The following RERE variants were observed in gnomAD, a reference collection of about 807,000 sequenced individuals.
RERE encodes the protein arginine-glutamic acid dipeptide repeats protein.
In RERE, 40 loss-of-function variants were observed where a neutral mutation model predicts 146.1. That is an observed-to-expected ratio of 0.27 (90% CI 0.21 to 0.36). The LOEUF is 0.36. RERE is among the 10% of genes least tolerant of loss of function. The pLI, the probability that RERE is intolerant of heterozygous loss-of-function variation, is 1.00. For missense variants in RERE, 1,933 were observed against 2,138.7 expected (o/e 0.90, Z 1.90); for synonymous variants, 1,003 against 866.0 (o/e 1.16, Z -2.78).
chr1:8,375,597 C>CTTCCTCGCTCAGCAGCCACTGAAAATGT (rs1642210782), intron 12 of RERE, among the ~76,000 whole-genome samples: 191 of 128,516 alleles, frequency 1.5e-3, no homozygotes, highest in East Asian at 1.9e-3. Context: ...ACTGAAAATG[C>CTTCCTCGCTCAGCAGCCACTGAAAATGT]TTCCTCGCTC....
At chr1:8,753,018 T>G (rs1569716172) in intron 1 of RERE, among the ~76,000 whole-genome samples, 1 of 152,358 alleles carries the variant, frequency 6.6e-6, no homozygotes, top group Non-Finnish European at 1.5e-5. Context: ...CAATATTATT[T>G]TAATTTTTAA....
intron 12 of RERE, among the ~76,000 whole-genome samples, chr1:8,383,676 C>T (rs1347561563): frequency 1.3e-5 from 2 of 151,862 alleles, no homozygotes; most frequent in African/African-American, 2.4e-5. Context: ...CTGACCAACA[C>T]GGTGAAACTT....
At chr1:8,526,198 T>C (rs1645568697) in intron 7 of RERE, among the ~76,000 whole-genome samples, 1 of 151,952 alleles carries the variant, frequency 6.6e-6, no homozygotes, top group East Asian at 1.9e-4. Flanking sequence ...AGGCTTCAGT[T>C]AAATGCCCTG....
intron 4 of RERE, among the ~76,000 whole-genome samples, chr1:8,589,712 A>G (rs1355891794): frequency 6.6e-6 from 1 of 152,214 alleles, no homozygotes; most frequent in African/African-American, 2.4e-5. Context: ...TGAGAAACAC[A>G]GGGTGCCTTC....
intron 7 of RERE, among the ~76,000 whole-genome samples, chr1:8,534,070 G>A (rs1463527190): frequency 6.6e-6 from 1 of 152,194 alleles, no homozygotes; most frequent in East Asian, 1.9e-4. Flanking sequence ...TCCAGCTCTA[G>A]CTGCTCATCT....
At chr1:8,762,456 T>C (rs1640773206) in intron 1 of RERE, among the ~76,000 whole-genome samples, 1 of 152,156 alleles carries the variant, frequency 6.6e-6, no homozygotes, top group Admixed American at 6.6e-5. Context: ...ATTTACTTAA[T>C]TTTTTTAAAA....
chr1:8,400,736 G>C (rs1643219348), intron 12 of RERE, among the ~76,000 whole-genome samples: 1 of 146,952 alleles, frequency 6.8e-6, no homozygotes, highest in South Asian at 2.2e-4. Context: ...TACATGAGTA[G>C]CTCACGCCTA....
At chr1:8,550,122 G>A (rs1645916058) in intron 6 of RERE, among the ~76,000 whole-genome samples, 1 of 152,174 alleles carries the variant, frequency 6.6e-6, no homozygotes, top group African/African-American at 2.4e-5. Flanking sequence ...CATTGTGGGA[G>A]GTTAGGGGAG....
intron 1 of RERE, among the ~76,000 whole-genome samples, chr1:8,722,134 A>G (rs1639876446): frequency 1.3e-5 from 2 of 152,244 alleles, no homozygotes; most frequent in African/African-American, 4.8e-5. Context: ...GCCCAATTCT[A>G]GAACCACAAA....
intron 12 of RERE, among the ~76,000 whole-genome samples, chr1:8,367,989 A>G (rs913447862): frequency 2.0e-5 from 3 of 152,206 alleles, no homozygotes; most frequent in African/African-American, 7.2e-5. Flanking sequence ...AAGAGAAATC[A>G]AGGCAGGGAG....
At chr1:8,419,845 T>C (rs1274159655) in intron 12 of RERE, among the ~76,000 whole-genome samples, 1 of 152,238 alleles carries the variant, frequency 6.6e-6, no homozygotes, top group African/African-American at 2.4e-5. Flanking sequence ...TCTCAGGCAC[T>C]GCAGCAAGTA....
At chr1:8,498,772 T>C (rs193220550) in intron 8 of RERE, among the ~76,000 whole-genome samples, 7,825 of 58,428 alleles carry the variant, frequency 0.13, 784 homozygotes, top group African/African-American at 0.35. Context: ...CACACACATA[T>C]GTAGTTGAAT....
chr1:8,607,534 C>CTTTTTTTTTTTTTT lies in RERE; in HGVS notation c.522+7013_522+7026dup, dbSNP rs1167501074. ...CGCATATTTGTTTTTATATATATTT[C>CTTTTTTTTTTTTTT]TTTTTTTTTTTTTTTTTTTTTTTTT... On this transcript the variant is annotated intron_variant, in intron 4 of 22. Transcript: ENST00000400908. 3.0e-3 allele frequency among the ~76,000 whole-genome samples: 144 copies of CTTTTTTTTTTTTTT among 48,580 alleles called. 32 individuals are homozygous for CTTTTTTTTTTTTTT. The highest frequency in any genetic ancestry group is 0.01 in the East Asian group (12 of 1,158). 31.9% of individuals were successfully genotyped at this position (48,580 alleles called of 152,430 possible).
intron 12 of RERE, among the ~76,000 whole-genome samples, chr1:8,403,584 T>C (rs1643338645): frequency 6.6e-6 from 1 of 151,882 alleles, no homozygotes. Flanking sequence ...CAGGCTAGTC[T>C]CAAACTCCTG....
intron 1 of RERE, among the ~76,000 whole-genome samples, chr1:8,764,721 C>T (rs1214104462): frequency 6.6e-6 from 1 of 152,104 alleles, no homozygotes; most frequent in Non-Finnish European, 1.5e-5. Context: ...AGATCAAAGG[C>T]TCCAAAAAAG....
intron 1 of RERE, among the ~76,000 whole-genome samples, chr1:8,672,646 C>A (rs1038727036): frequency 6.6e-6 from 1 of 152,158 alleles, no homozygotes; most frequent in African/African-American, 2.4e-5. Context: ...CAAAGAATGG[C>A]GCATACCTTC....
At chr1:8,674,682 T>C (rs1481781563) in intron 1 of RERE, among the ~76,000 whole-genome samples, 1 of 152,250 alleles carries the variant, frequency 6.6e-6, no homozygotes, top group African/African-American at 2.4e-5. Flanking sequence ...GCCCCAATGT[T>C]GACTTGACAA....
chr1:8,635,360 A>T (rs1428159248), intron 2 of RERE, among the ~76,000 whole-genome samples: 1 of 152,198 alleles, frequency 6.6e-6, no homozygotes, highest in Non-Finnish European at 1.5e-5. Flanking sequence ...TCACTTTCAT[A>T]ATCAAAATTA....
chr1:8,570,087 C>A (rs11121200), intron 4 of RERE, among the ~76,000 whole-genome samples: 1,931 of 152,064 alleles, frequency 0.013, 38 homozygotes, highest in African/African-American at 0.043. Flanking sequence ...GCCTGTAATC[C>A]CAGCACTTTG....
Sources: allele counts gnomAD v4.1 joint callset (sites outside exome capture counted in the v4.1 genomes callset), GRCh38; gene constraint gnomAD v4.1.1; transcripts MANE v1.5; gene names NCBI Gene and HGNC (gene_info 2026-07-23, HGNC 2026-07-21).